PLEKHM3: variants seen among roughly 807,000 people sequenced by gnomAD.
PLEKHM3 encodes the protein pleckstrin homology domain containing M3.
In PLEKHM3, 45 loss-of-function variants were observed where a neutral mutation model predicts 81.8. The observed-to-expected ratio is 0.55, with a 90% CI of 0.43 to 0.71. The LOEUF is 0.71. PLEKHM3 is among the 30% of genes least tolerant of loss of function. The pLI is 0.00. For synonymous variants in PLEKHM3, 352 were observed against 356.4 expected, an observed-to-expected ratio of 0.99 and a Z score of 0.14; for missense variants, 788 against 924.3, an observed-to-expected ratio of 0.85 and a Z score of 1.91.
At chr2:207,899,150 T>G (rs560468775) in intron 6 of PLEKHM3, among the ~76,000 whole-genome samples, 21 of 152,332 alleles carry the variant, frequency 1.4e-4, no homozygotes, top group African/African-American at 5.1e-4. Flanking sequence ...GTGGCAATGC[T>G]GTCTTCTGAG....
At chr2:207,985,335 C>T (rs1020750844) in intron 2 of PLEKHM3, among the ~76,000 whole-genome samples, 3 of 151,908 alleles carry the variant, frequency 2.0e-5, no homozygotes, top group Non-Finnish European at 4.4e-5. Context: ...AACAACTGTC[C>T]TCCTCTGAAC....
chr2:207,908,448 C>T, intron 6 of PLEKHM3, 66 bp downstream of exon 6: 2 of 1,473,194 alleles, frequency 1.4e-6, no homozygotes, highest in Non-Finnish European at 9.4e-7. Context: ...GGTGCAAAGA[C>T]CAAAGTCAAC....
chr2:208,004,172 A>G (rs916695330), intron 1 of PLEKHM3, among the ~76,000 whole-genome samples: 1 of 152,132 alleles, frequency 6.6e-6, no homozygotes, highest in Non-Finnish European at 1.5e-5. Flanking sequence ...TAATCCCAGC[A>G]CTGTGGGAGG....
chr2:207,870,184 G>C (rs1317574353), intron 6 of PLEKHM3, among the ~76,000 whole-genome samples: 6 of 152,088 alleles, frequency 3.9e-5, no homozygotes, highest in African/African-American at 1.4e-4. Flanking sequence ...CACTCCCTCA[G>C]CACCACCACA....
At position 207,934,541 on chromosome 2, in the gene PLEKHM3, T is replaced by C. The variant is rs367833494; in HGVS notation, c.1693-3422A>G. Among the ~76,000 whole-genome samples, 8 of 152,232 alleles carry C rather than the reference T, an allele frequency of 5.3e-5. No individual in the cohort carries two copies. The East Asian group carries it at 9.6e-4, about 18-fold the overall frequency. ...ACAGTTTAAGCTATAAGAACTCAAC[T>C]CTGTGACAGTGATTGTGCTGCAGTT... On this transcript the variant is annotated intron_variant, in intron 4 of 7. Coordinates refer to ENST00000427836, the MANE Select transcript of PLEKHM3 (RefSeq NM_001080475.3).
chr2:207,934,777 T>A (rs928559742), intron 4 of PLEKHM3, among the ~76,000 whole-genome samples: 1 of 152,246 alleles, frequency 6.6e-6, no homozygotes, highest in African/African-American at 2.4e-5. Context: ...ACATGTCACT[T>A]GATTTGAACA....
intron 2 of PLEKHM3, among the ~76,000 whole-genome samples, chr2:207,978,197 G>A (rs147504565): frequency 1.3e-5 from 2 of 152,256 alleles, no homozygotes; most frequent in East Asian, 1.9e-4. Context: ...AACGTGAGAT[G>A]CAGAGGTCTG....
chr2:207,822,826 C>T lies in PLEKHM3; in HGVS notation c.*5493G>A, dbSNP rs1226418475. 6.6e-6 allele frequency: 1 copy of T among 152,260 alleles called. No individual in the cohort carries two copies. The highest frequency in any genetic ancestry group is 2.4e-5 in the African/African-American group (1 of 41,446). The allele number at this position is 152,260 out of a possible 1,614,324, so 9.4% of individuals were successfully genotyped here. A position where few individuals can be genotyped will look rare whatever the true frequency, so the allele number is the denominator to read the frequency against. On this transcript the variant is annotated 3_prime_UTR_variant, in exon 8 of 8. Transcript: ENST00000427836. ...ACTAGACTAGAAGCACGAGACAGTA[C>T]TATAAGGCACTCCTACAGGGACAAG...
At chr2:207,993,355 G>A (rs1471929957) in intron 2 of PLEKHM3, among the ~76,000 whole-genome samples, 1 of 152,112 alleles carries the variant, frequency 6.6e-6, no homozygotes, top group Non-Finnish European at 1.5e-5. Context: ...GCTGAAGGGT[G>A]AATCATAAAT....
At chr2:207,894,586 GT>G (rs1050632573) in intron 6 of PLEKHM3, among the ~76,000 whole-genome samples, 15 of 151,900 alleles carry the variant, frequency 9.9e-5, no homozygotes, top group African/African-American at 3.1e-4. Flanking sequence ...GGTGGGGTTT[GT>G]TTTGCTGCCA....
intron 7 of PLEKHM3, among the ~76,000 whole-genome samples, chr2:207,831,780 G>A (rs886323433): frequency 6.6e-6 from 1 of 152,152 alleles, no homozygotes; most frequent in African/African-American, 2.4e-5. Context: ...ATGTCTTCTA[G>A]AGCCTCTCTC....
chr2:207,977,456 G>T lies in PLEKHM3; in HGVS notation c.741C>A (p.Ser247Arg). 6.2e-7 allele frequency: 1 copy of T among 1,614,224 alleles called. No individual in the cohort carries two copies. Among genetic ancestry groups the T allele is most frequent in the Non-Finnish European group, 8.5e-7 (1 of 1,180,042 alleles). The part of the protein sequence containing the change: ...PYNLYFYSLD[S>R]SGNQNLYATY... The stretch of plus-strand genomic sequence containing the variant: ...TGGCATAAAGGTTTTGATTCCCACT[G>T]CTGTCGAGGCTGTAGAAGTATAAGT... The change falls in exon 3 of 8, where the codon AGC (serine) becomes AGA (arginine). Residue 247 changes from serine to arginine, a missense_variant. Physicochemically the swap from Ser to Arg is moderately radical, Grantham distance 110. Coordinates refer to ENST00000427836, the MANE Select transcript of PLEKHM3 (RefSeq NM_001080475.3).
intron 3 of PLEKHM3, among the ~76,000 whole-genome samples, chr2:207,962,152 G>T (rs1690756998): frequency 6.6e-6 from 1 of 152,172 alleles, no homozygotes; most frequent in Non-Finnish European, 1.5e-5. Context: ...ATGGGGGGTG[G>T]TCAACAGAAA....
chr2:207,990,554 A>G (rs1391941920), intron 2 of PLEKHM3, among the ~76,000 whole-genome samples: 1 of 152,222 alleles, frequency 6.6e-6, no homozygotes, highest in Non-Finnish European at 1.5e-5. Flanking sequence ...GAAAAAATGA[A>G]CTAATTTTAG....
chr2:207,961,035 G>C (rs1021680832), intron 3 of PLEKHM3, among the ~76,000 whole-genome samples: 13 of 152,188 alleles, frequency 8.5e-5, no homozygotes, highest in Non-Finnish European at 1.8e-4. Flanking sequence ...TCAAAATAGT[G>C]TTGAAGAGGC....
chr2:207,901,400 T>A, intron 6 of PLEKHM3: 1 of 699,656 alleles, frequency 1.4e-6, no homozygotes, highest in South Asian at 1.5e-5. Context: ...ACTGGCCCCA[T>A]CACCAAAACA....
intron 6 of PLEKHM3, among the ~76,000 whole-genome samples, chr2:207,903,256 G>A (rs1042626581): frequency 2.0e-5 from 3 of 152,038 alleles, no homozygotes; most frequent in Admixed American, 2.0e-4. Flanking sequence ...CTAAAGGTAG[G>A]GTCTCATTTG....
At chr2:207,944,581 G>T (rs950961837) in intron 4 of PLEKHM3, among the ~76,000 whole-genome samples, 4 of 152,182 alleles carry the variant, frequency 2.6e-5, no homozygotes, top group Non-Finnish European at 4.4e-5. Context: ...GGGTAACTTG[G>T]ACTGGGTATT....
intron 4 of PLEKHM3, among the ~76,000 whole-genome samples, 178 bp downstream of exon 4, chr2:207,946,189 G>A (rs565162257): frequency 6.6e-6 from 1 of 152,324 alleles, no homozygotes; most frequent in Admixed American, 6.5e-5. Context: ...AAGAGTCATA[G>A]TTAAGAAGCC....
Sources: allele counts gnomAD v4.1 joint callset (sites outside exome capture counted in the v4.1 genomes callset), GRCh38; gene constraint gnomAD v4.1.1; transcripts MANE v1.5; gene names NCBI Gene and HGNC (gene_info 2026-07-23, HGNC 2026-07-21).